RAP2A: variants seen among roughly 807,000 people sequenced by gnomAD.
The protein encoded by RAP2A is RAP2A, member of RAS oncogene family, also known as ras-related protein Rap-2a.
RAP2A carries 5 observed loss-of-function variants against 15.1 expected under a neutral mutation model. The observed-to-expected ratio is 0.33, with a 90% CI of 0.17 to 0.70. The LOEUF (loss-of-function observed/expected upper bound fraction) is 0.70, where lower values mean the gene tolerates loss of function less well. Ranked by LOEUF, RAP2A falls within the 30% of genes least tolerant of loss-of-function variation. RAP2A has a pLI of 0.68. For synonymous variants in RAP2A, 110 were observed against 99.7 expected (o/e 1.10, Z -0.62); for missense variants, 111 against 240.3 (o/e 0.46, Z 3.56).
At chr13:97,449,736 T>C (rs973918545) in intron 1 of RAP2A, among the ~76,000 whole-genome samples, 5 of 151,998 alleles carry the variant, frequency 3.3e-5, no homozygotes, top group Admixed American at 1.3e-4. Flanking sequence ...ATTTTTTTTT[T>C]CCATGTCATC....
chr13:97,435,378 T>A (rs2066628920), intron 1 of RAP2A, among the ~76,000 whole-genome samples: 1 of 146,294 alleles, frequency 6.8e-6, no homozygotes, highest in African/African-American at 2.5e-5. Context: ...AACAGAGGAG[T>A]ACAAATAAGC....
rs781457599 is a variant in RAP2A at position 97,434,795 on chromosome 13, G to T, written c.314+11G>T. 36 of 1,612,888 alleles carry T rather than the reference G, an allele frequency of 2.2e-5. No homozygotes were observed. Among genetic ancestry groups the T allele is most frequent in the Non-Finnish European group, 2.9e-5 (34 of 1,179,492 alleles). ...CATCCGCGTGAAGCGGTGAGCGAGG[G>T]CACACGGGGGCTTGGCGGCTGCACC... is the stretch of plus-strand genomic sequence containing the variant. On this transcript the variant is annotated intron_variant, in intron 1 of 1. Coordinates refer to ENST00000245304, the MANE Select transcript of RAP2A (RefSeq NM_021033.7).
intron 1 of RAP2A, among the ~76,000 whole-genome samples, chr13:97,457,734 T>G (rs2153180159): frequency 6.6e-6 from 1 of 152,152 alleles, no homozygotes; most frequent in South Asian, 2.1e-4. Flanking sequence ...GGAAAATAAT[T>G]TGGAAGGATA....
chr13:97,459,076 G>A lies in RAP2A; in HGVS notation c.315-5129G>A, dbSNP rs373276306. ...AATTATTAGACCTGCATCAGTCACC[G>A]TCTGAGCTGGTCATGCCCTTAAAGG... On this transcript the variant is annotated intron_variant, in intron 1 of 1. Transcript: ENST00000245304. Among the ~76,000 whole-genome samples the A allele has an allele frequency of 1.3e-4, 20 of 152,290 alleles. No homozygotes were observed. In the East Asian group the frequency reaches 1.7e-3, roughly 13 times the overall value.
intron 1 of RAP2A, among the ~76,000 whole-genome samples, chr13:97,445,154 T>G (rs987519584): frequency 3.3e-5 from 5 of 152,318 alleles, no homozygotes; most frequent in African/African-American, 1.2e-4. Context: ...GGATTAAATT[T>G]CAACATATGA....
chr13:97,454,415 A>G (rs1324428446), intron 1 of RAP2A, among the ~76,000 whole-genome samples: 3 of 150,656 alleles, frequency 2.0e-5, no homozygotes. Flanking sequence ...CTTTCTGGTT[A>G]TGTCTAATTT....
At position 97,468,172 on chromosome 13, in the gene RAP2A, A is replaced by G. The variant is rs2066780824; in HGVS notation, c.*3730A>G. 1 of 152,226 alleles carries G rather than the reference A, an allele frequency of 6.6e-6. No homozygotes were observed. The highest frequency in any genetic ancestry group is 1.9e-4 in the East Asian group (1 of 5,208). The allele number at this position is 152,226 out of a possible 1,614,324, so 9.4% of individuals were successfully genotyped here. A position where few individuals can be genotyped will look rare whatever the true frequency, so the allele number is the denominator to read the frequency against. On this transcript the variant is annotated 3_prime_UTR_variant, in exon 2 of 2. Coordinates refer to ENST00000245304, the MANE Select transcript of RAP2A (RefSeq NM_021033.7). ...ATTTTCATAGTCTTTAAAAATAAAA[A>G]TAACATGTAAGAGACTGTAAAATCA... is the stretch of plus-strand genomic sequence containing the variant.
In RAP2A at chr13:97,454,166, T is replaced by C. The variant is rs57396548; in HGVS notation, c.315-10039T>C. On this transcript the variant is annotated intron_variant, in intron 1 of 1. Transcript: ENST00000245304. The stretch of plus-strand genomic sequence containing the variant: ...TGAAATCTAATTTGGTTAGTGTTTA[T>C]ATGATATATCTTTTTCTATCCTTTT... 4.4e-3 allele frequency among the ~76,000 whole-genome samples: 671 copies of C among 151,522 alleles called. 26 individuals are homozygous for C. The highest frequency in any genetic ancestry group is 0.015 in the African/African-American group (631 of 41,208).
At chr13:97,446,541 G>T (rs1306600357) in intron 1 of RAP2A, among the ~76,000 whole-genome samples, 1 of 152,166 alleles carries the variant, frequency 6.6e-6, no homozygotes, top group Non-Finnish European at 1.5e-5. Context: ...CTTTGAGTCT[G>T]TGCTGCCTGT....
intron 1 of RAP2A, among the ~76,000 whole-genome samples, chr13:97,448,642 CTT>C (rs2066689652): frequency 6.6e-6 from 1 of 152,212 alleles, no homozygotes; most frequent in Non-Finnish European, 1.5e-5. Context: ...CCAGCTCTCT[CTT>C]GTGGTACACT....
chr13:97,454,030 A>G lies in RAP2A; in HGVS notation c.315-10175A>G, dbSNP rs142792258. On this transcript the variant is annotated intron_variant, in intron 1 of 1. Coordinates refer to ENST00000245304, the MANE Select transcript of RAP2A (RefSeq NM_021033.7). ...CTATTGAGTTTTGAGAGATCTTTCT[A>G]TGTTCTAGATATTAGTCTTGTCGGA... Among the ~76,000 whole-genome samples, 159 of 151,208 alleles carry G rather than the reference A, an allele frequency of 1.1e-3. 1 individual carries two copies. Among genetic ancestry groups the G allele is most frequent in the East Asian group, 3.9e-3 (20 of 5,172 alleles).
chr13:97,437,359 C>T (rs2066638482), intron 1 of RAP2A: 1 of 152,006 alleles, frequency 6.6e-6, no homozygotes, highest in Non-Finnish European at 1.5e-5. Flanking sequence ...CAACAGAGGT[C>T]TAAGGTGTAT....
rs2066769753 is a variant in RAP2A at position 97,466,071 on chromosome 13, C to T, written c.*1629C>T. The T allele has an allele frequency of 6.6e-6, 1 of 152,064 alleles. No individual in the cohort carries two copies. The highest frequency in any genetic ancestry group is 2.4e-5 in the African/African-American group (1 of 41,400). 9.4% of individuals were successfully genotyped at this position (152,064 alleles called of 1,614,324 possible). A position where few individuals can be genotyped will look rare whatever the true frequency, so the allele number is the denominator to read the frequency against. On this transcript the variant is annotated 3_prime_UTR_variant, in exon 2 of 2. Transcript: ENST00000245304. ...TTTGGCACAAGTCAGAGATAATTGC[C>T]TATACTAAGAATCTATACTGCAGAA...
chr13:97,467,065 A>T lies in RAP2A; in HGVS notation c.*2623A>T, dbSNP rs2066775166. On this transcript the variant is annotated 3_prime_UTR_variant, in exon 2 of 2. Transcript: ENST00000245304. ...ATCAGACTAGCAACTTAGATAAGTG[A>T]AAGTTTTTCTAACATGCCTTAAAAA... 1 of 152,666 alleles carries T rather than the reference A, an allele frequency of 6.6e-6. No individual in the cohort carries two copies. The highest frequency in any genetic ancestry group is 2.4e-5 in the African/African-American group (1 of 41,470). The allele number at this position is 152,666 out of a possible 1,614,324, so 9.5% of individuals were successfully genotyped here.
intron 1 of RAP2A, among the ~76,000 whole-genome samples, chr13:97,451,369 C>A (rs1251085707): frequency 2.6e-5 from 4 of 152,132 alleles, no homozygotes; most frequent in African/African-American, 9.7e-5. Flanking sequence ...ACAAAGCAGG[C>A]TGCCTCATGT....
In RAP2A at chr13:97,467,986, A is replaced by C. The variant is rs117393201; in HGVS notation, c.*3544A>C. ...TTATTTTAACAAATAAATTTATTTA[A>C]TGAAACTCTGGATTTGCTTTGTTTT... On this transcript the variant is annotated 3_prime_UTR_variant, in exon 2 of 2. Transcript: ENST00000245304. 3,711 of 152,422 alleles carry C rather than the reference A, an allele frequency of 0.024. 103 individuals are homozygous for C. The highest frequency in any genetic ancestry group is 0.082 in the Admixed American group (1,248 of 15,288). 9.4% of individuals were successfully genotyped at this position (152,422 alleles called of 1,614,324 possible). A position where few individuals can be genotyped will look rare whatever the true frequency, so the allele number is the denominator to read the frequency against.
chr13:97,467,916 T>A lies in RAP2A; in HGVS notation c.*3474T>A, dbSNP rs1180929053. The A allele has an allele frequency of 1.3e-5, 2 of 152,772 alleles. No homozygotes were observed. The highest frequency in any genetic ancestry group is 3.8e-4 in the East Asian group (2 of 5,196). 9.5% of individuals were successfully genotyped at this position (152,772 alleles called of 1,614,324 possible). ...GACATTTCAATTAAAACATGAATTGTAGTTATAACTCAATGCAAATTCAAC... is the reference window on the plus strand; with the variant it reads ...GACATTTCAATTAAAACATGAATTGAAGTTATAACTCAATGCAAATTCAAC... On this transcript the variant is annotated 3_prime_UTR_variant, in exon 2 of 2. Coordinates refer to ENST00000245304, the MANE Select transcript of RAP2A (RefSeq NM_021033.7).
intron 1 of RAP2A, among the ~76,000 whole-genome samples, chr13:97,435,713 G>A (rs9516932): frequency 4.6e-5 from 7 of 152,024 alleles, no homozygotes; most frequent in African/African-American, 1.5e-4. Flanking sequence ...TTAAGCATTA[G>A]AAATGTGATA....
At chr13:97,447,001 A>C (rs2066682729) in intron 1 of RAP2A, among the ~76,000 whole-genome samples, 1 of 152,242 alleles carries the variant, frequency 6.6e-6, no homozygotes, top group South Asian at 2.1e-4. Context: ...ACACATTTTT[A>C]GATAAACATG....
Sources: allele counts gnomAD v4.1 joint callset (sites outside exome capture counted in the v4.1 genomes callset), GRCh38; gene constraint gnomAD v4.1.1; transcripts MANE v1.5; gene names NCBI Gene and HGNC (gene_info 2026-07-23, HGNC 2026-07-21).